OCA2: variants seen among roughly 807,000 people sequenced by gnomAD.
OCA2 encodes the protein P protein.
Under a neutral mutation model 100.2 loss-of-function variants are expected in OCA2, and 77 were observed. The ratio of observed to expected loss-of-function variants is 0.77; its 90% CI spans 0.64 to 0.93. The LOEUF (loss-of-function observed/expected upper bound fraction) is 0.93, where lower values mean the gene tolerates loss of function less well. Among genes scored for constraint, OCA2 ranks in the 40% least tolerant of loss-of-function variants. The probability of loss-of-function intolerance (pLI) is 0.00; values close to 1 mark genes in which losing one functional copy is unlikely to be tolerated. For synonymous variants in OCA2, 432 were observed against 439.2 expected (o/e 0.98, Z 0.21); for missense variants, 1,062 against 1,089.1 (o/e 0.98, Z 0.35).
intron 3 of OCA2, among the ~76,000 whole-genome samples, chr15:28,029,646 T>G (rs1243023012): frequency 6.6e-6 from 1 of 152,188 alleles, no homozygotes; most frequent in Non-Finnish European, 1.5e-5. Flanking sequence ...TGGCTACCAG[T>G]TGTCAGTTCA....
At chr15:27,869,621 T>A (rs543780325) in intron 21 of OCA2, among the ~76,000 whole-genome samples, 1 of 152,150 alleles carries the variant, frequency 6.6e-6, no homozygotes, top group Non-Finnish European at 1.5e-5. Flanking sequence ...CCAGAAAGGA[T>A]CTGGGTGCAA....
chr15:27,950,706 A>T (rs1404491669), intron 18 of OCA2: 3 of 315,340 alleles, frequency 9.5e-6, no homozygotes, highest in African/African-American at 6.6e-5. Flanking sequence ...ACATAAGAGA[A>T]AAGGAAGACC....
intron 9 of OCA2, among the ~76,000 whole-genome samples, chr15:28,009,684 TCACACACACACACACACACACACACA>T (rs747425942): frequency 7.2e-6 from 1 of 138,008 alleles, no homozygotes; most frequent in Non-Finnish European, 1.6e-5. Flanking sequence ...CGAGATTCTG[TCACACACACACACACACACACACACA>T]CACACACACA....
intron 23 of OCA2, among the ~76,000 whole-genome samples, chr15:27,772,021 G>A (rs1335389616): frequency 2.0e-5 from 3 of 152,228 alleles, no homozygotes; most frequent in Non-Finnish European, 4.4e-5. Context: ...TTATTCCCAA[G>A]CACAGCGTCA....
At chr15:27,743,046 G>A in the OCA2 span, among the ~76,000 whole-genome samples, 1 of 152,208 alleles carries the variant, frequency 6.6e-6, no homozygotes, top group Admixed American at 6.5e-5. Flanking sequence ...ATTCCGCAAG[G>A]CTCCATTGGC....
At chr15:27,983,248 G>A (rs1021677312) in intron 14 of OCA2, 97 bp downstream of exon 14, 3 of 1,461,156 alleles carry the variant, frequency 2.1e-6, no homozygotes, top group Non-Finnish European at 2.9e-6. Context: ...GTGGCGTGAT[G>A]ATCTTGATTT....
At chr15:27,942,828 T>C (rs2039698045) in intron 18 of OCA2, among the ~76,000 whole-genome samples, 1 of 152,292 alleles carries the variant, frequency 6.6e-6, no homozygotes, top group East Asian at 1.9e-4. Flanking sequence ...ATCCATATTA[T>C]ATTACTTTAC....
chr15:27,757,205 T>C (rs2030451222), intron 23 of OCA2, among the ~76,000 whole-genome samples: 1 of 152,244 alleles, frequency 6.6e-6, no homozygotes, highest in Non-Finnish European at 1.5e-5. Flanking sequence ...AGTCTAACTC[T>C]AGTTAGATTG....
intron 14 of OCA2, among the ~76,000 whole-genome samples, chr15:27,971,559 T>C (rs1214556120): frequency 6.6e-6 from 1 of 152,178 alleles, no homozygotes; most frequent in Non-Finnish European, 1.5e-5. Context: ...TGGTTGTCCA[T>C]GTGGTGGGTC....
intron 9 of OCA2, among the ~76,000 whole-genome samples, chr15:28,001,450 G>A (rs1291449687): frequency 2.6e-5 from 4 of 152,210 alleles, no homozygotes; most frequent in African/African-American, 9.6e-5. Context: ...GGGGTGGAAG[G>A]AGAGGAGGGT....
At chr15:27,910,527 T>C (rs1260962493) in intron 19 of OCA2, among the ~76,000 whole-genome samples, 2 of 152,078 alleles carry the variant, frequency 1.3e-5, no homozygotes, top group East Asian at 3.9e-4. Flanking sequence ...TGTGAACTGA[T>C]TAGGAGTGAT....
chr15:27,878,771 C>T (rs997267717), intron 19 of OCA2, among the ~76,000 whole-genome samples: 5 of 152,032 alleles, frequency 3.3e-5, no homozygotes, highest in African/African-American at 9.7e-5. Flanking sequence ...TCTGTCATTA[C>T]CTCTTCAAAT....
chr15:27,729,129 C>A, the OCA2 span, among the ~76,000 whole-genome samples: 6 of 152,120 alleles, frequency 3.9e-5, no homozygotes, highest in African/African-American at 1.4e-4. Context: ...ACCACATTCC[C>A]TAATTTCTTC....
rs536524180 is a variant in OCA2 at position 27,909,003 on chromosome 15, G to C, written c.2079+17124C>G. 2.6e-5 allele frequency among the ~76,000 whole-genome samples: 4 copies of C among 152,244 alleles called. No individual in the cohort carries two copies. In the East Asian group the frequency reaches 5.8e-4, roughly 22 times the overall value. On this transcript the variant is annotated intron_variant, in intron 19 of 23. Transcript: ENST00000354638. ...GACCTTTCTAAGCATGGCATTCATA[G>C]GCCTGCTGTGTTTACCCTTTATTTC... is the stretch of plus-strand genomic sequence containing the variant.
At position 28,069,460 on chromosome 15, in the gene OCA2, G is replaced by A. The variant is rs865815641; in HGVS notation, c.227+12188C>T. Among the ~76,000 whole-genome samples, 409 of 109,574 alleles carry A rather than the reference G, an allele frequency of 3.7e-3. 8 individuals carry two copies. The highest frequency in any genetic ancestry group is 0.017 in the African/African-American group (380 of 22,222). The allele number at this position is 109,574 out of a possible 152,430, so 71.9% of individuals were successfully genotyped here. On this transcript the variant is annotated intron_variant, in intron 2 of 23. Coordinates refer to ENST00000354638, the MANE Select transcript of OCA2 (RefSeq NM_000275.3). ...CCTCTCCCCGGTCTCCCTCTCATGCGGGGCCGAAGCTGGACTGTACTGCTG... is the reference window on the plus strand; with the variant it reads ...CCTCTCCCCGGTCTCCCTCTCATGCAGGGCCGAAGCTGGACTGTACTGCTG...
the OCA2 span, among the ~76,000 whole-genome samples, chr15:27,748,824 T>C: frequency 6.6e-6 from 1 of 152,006 alleles, no homozygotes; most frequent in South Asian, 2.1e-4. Context: ...CTGAAAAATA[T>C]GATAATGATA....
chr15:27,906,780 T>A (rs1749247453), intron 19 of OCA2, among the ~76,000 whole-genome samples: 1 of 152,070 alleles, frequency 6.6e-6, no homozygotes. Context: ...CCAGCCAACT[T>A]ACAAAGAACA....
chr15:27,770,249 G>T (rs1200879582), intron 23 of OCA2, among the ~76,000 whole-genome samples: 1 of 152,200 alleles, frequency 6.6e-6, no homozygotes, highest in Admixed American at 6.5e-5. Flanking sequence ...GGGGCTCCGC[G>T]GGGTCCGCAG....
intron 19 of OCA2, among the ~76,000 whole-genome samples, chr15:27,889,819 A>C (rs1270908762): frequency 1.3e-5 from 2 of 152,206 alleles, no homozygotes; most frequent in African/African-American, 4.8e-5. Context: ...GGACAGCATC[A>C]AGGTGTGAAG....
Sources: gnomAD v4.1 joint callset for allele counts (sites outside exome capture counted in the v4.1 genomes callset) on GRCh38, gnomAD v4.1.1 for gene constraint, MANE v1.5 for transcripts, NCBI Gene and HGNC (gene_info 2026-07-23, HGNC 2026-07-21) for gene names.